Variants in HIP1 observed in about 807,000 individuals in gnomAD.
The protein encoded by HIP1 is huntingtin-interacting protein 1.
HIP1 carries 65 observed loss-of-function variants against 147.6 expected under a neutral mutation model. That is an observed-to-expected ratio of 0.44 (90% CI 0.36 to 0.54). The LOEUF is 0.54. Among genes scored for constraint, HIP1 ranks in the 20% least tolerant of loss-of-function variants. HIP1 has a pLI of 0.00. For synonymous variants in HIP1, 479 were observed against 504.0 expected (o/e 0.95, Z 0.67); for missense variants, 1,061 against 1,299.6 (o/e 0.82, Z 2.82).
At chr7:75,716,764 C>A (rs926149718) in intron 1 of HIP1, among the ~76,000 whole-genome samples, 1 of 151,740 alleles carries the variant, frequency 6.6e-6, no homozygotes, top group Non-Finnish European at 1.5e-5. Flanking sequence ...TTGTGATCTG[C>A]CGTCTCAGCC....
At chr7:75,661,747 C>T (rs371860655) in intron 1 of HIP1, among the ~76,000 whole-genome samples, 2 of 151,768 alleles carry the variant, frequency 1.3e-5, no homozygotes, top group South Asian at 4.2e-4. Context: ...ATCTTGGGGG[C>T]AGCTACAGCA....
intron 1 of HIP1, among the ~76,000 whole-genome samples, chr7:75,661,428 C>A (rs1176833969): frequency 6.6e-6 from 1 of 150,844 alleles, no homozygotes; most frequent in African/African-American, 2.4e-5. Flanking sequence ...CAAAAATTAG[C>A]CGGGCGTGGT....
chr7:75,559,968 G>T (rs1795165876), intron 13 of HIP1, 53 bp from the exon 14 acceptor site: 2 of 1,490,094 alleles, frequency 1.3e-6, no homozygotes, highest in African/African-American at 2.8e-5. Flanking sequence ...CGGGTCACGG[G>T]CATGGGCCGG....
chr7:75,676,677 G>A (rs1207983760), intron 1 of HIP1, among the ~76,000 whole-genome samples: 1 of 151,966 alleles, frequency 6.6e-6, no homozygotes, highest in Non-Finnish European at 1.5e-5. Context: ...ACGGGAGGCT[G>A]AGGTAGAAGA....
At chr7:75,697,657 C>G (rs1800682912) in intron 1 of HIP1, among the ~76,000 whole-genome samples, 2 of 152,068 alleles carry the variant, frequency 1.3e-5, no homozygotes, top group African/African-American at 2.4e-5. Flanking sequence ...ACTAAAAATA[C>G]AAAAATTAGC....
At chr7:75,724,029 T>A (rs1801580870) in intron 1 of HIP1, among the ~76,000 whole-genome samples, 2 of 152,068 alleles carry the variant, frequency 1.3e-5, no homozygotes, top group Admixed American at 1.3e-4. Flanking sequence ...CAATCTCAGC[T>A]CACTGCAACC....
At chr7:75,735,696 T>G (rs926348970) in intron 1 of HIP1, among the ~76,000 whole-genome samples, 2 of 150,512 alleles carry the variant, frequency 1.3e-5, no homozygotes, top group Non-Finnish European at 3.0e-5. Context: ...TTCTTTTTCT[T>G]TTTTTTTTAT....
At chr7:75,735,518 C>T (rs1554523545) in intron 1 of HIP1, among the ~76,000 whole-genome samples, 3 of 152,064 alleles carry the variant, frequency 2.0e-5, no homozygotes, top group Non-Finnish European at 4.4e-5. Context: ...TAAATTTTTT[C>T]TAATTCATTT....
chr7:75,650,135 A>T (rs192159335), intron 1 of HIP1, among the ~76,000 whole-genome samples: 36 of 152,234 alleles, frequency 2.4e-4, no homozygotes, highest in African/African-American at 8.4e-4. Context: ...GGAAGCAAAG[A>T]TCTGCCGAAT....
chr7:75,570,027 C>G (rs1013286018), intron 8 of HIP1, among the ~76,000 whole-genome samples: 2 of 151,734 alleles, frequency 1.3e-5, no homozygotes, highest in African/African-American at 4.8e-5. Context: ...CTCCGCCTCC[C>G]GGGTTCAAGC....
rs61299057 is a variant in HIP1, at chr7:75,577,332, C to CA, written c.605-3432dup. Reference sequence around the variant, plus strand: ...CGGCGACAGAGTGAGATCCCATCTCCAAAAAAAAAAAAACGAGAGAGAGAG... The same window carrying CA: ...CGGCGACAGAGTGAGATCCCATCTCCAAAAAAAAAAAAAACGAGAGAGAGAG... On this transcript the variant is annotated intron_variant, in intron 7 of 30. Coordinates refer to ENST00000336926, the MANE Select transcript of HIP1 (RefSeq NM_005338.7). Among the ~76,000 whole-genome samples the CA allele has an allele frequency of 2.4e-3, 236 of 96,734 alleles. 5 individuals carry two copies. The highest frequency in any genetic ancestry group is 6.6e-3 in the South Asian group (19 of 2,860). 63.5% of individuals were successfully genotyped at this position (96,734 alleles called of 152,430 possible).
In HIP1 at chr7:75,688,459, T is replaced by C. The variant is rs1800339259; in HGVS notation, c.120+50342A>G. Among the ~76,000 whole-genome samples, 4 of 151,038 alleles carry C rather than the reference T, an allele frequency of 2.6e-5. No homozygotes were observed. In the South Asian group the frequency reaches 6.3e-4, roughly 24 times the overall value. Reference sequence around the variant, plus strand: ...GGGGATGAGCTGTCGGTGGAGCCCCTCGACGGGTGGGGGACGGGCAGGCAG... The same window carrying C: ...GGGGATGAGCTGTCGGTGGAGCCCCCCGACGGGTGGGGGACGGGCAGGCAG... On this transcript the variant is annotated intron_variant, in intron 1 of 30. Coordinates refer to ENST00000336926, the MANE Select transcript of HIP1 (RefSeq NM_005338.7).
Position 75,546,866 on chromosome 7 carries a change from C to T in HIP1, c.2559+73G>A, listed in dbSNP as rs587609219. 1.4e-4 allele frequency: 149 copies of T among 1,061,684 alleles called. No homozygotes were observed. In the African/African-American group the frequency reaches 2.1e-3, roughly 15 times the overall value. The allele number at this position is 1,061,684 out of a possible 1,614,324, so 65.8% of individuals were successfully genotyped here. On this transcript the variant is annotated intron_variant, in intron 25 of 30. Coordinates refer to ENST00000336926, the MANE Select transcript of HIP1 (RefSeq NM_005338.7). ...GACACACAGAGTAAGACGGCAGCAT[C>T]ACAGAGTCCGTTGGAGCGGGAGTCT... is the stretch of plus-strand genomic sequence containing the variant.
At position 75,542,934 on chromosome 7, in the gene HIP1, T is replaced by G; in HGVS notation, c.2807A>C (p.Gln936Pro). 6.2e-7 allele frequency: 1 copy of G among 1,614,090 alleles called. No homozygotes were observed. The highest frequency in any genetic ancestry group is 8.5e-7 in the Non-Finnish European group (1 of 1,180,002). The change falls in exon 28 of 31, where the codon CAG becomes CCG. Residue 936 changes from glutamine to proline, a missense_variant. Physicochemically the swap from Gln to Pro is moderately conservative, Grantham distance 76 (BLOSUM62 -1). Around this residue, in one of 3 missense-constraint regions of HIP1, gnomAD observed 810 missense variants for 946.8 expected, o/e 0.86. Coordinates refer to ENST00000336926, the MANE Select transcript of HIP1 (RefSeq NM_005338.7). ...DKDSPNLAQL[Q>P]QASRGVNQAT... ...CTGGTTCACTCCCCGAGAGGCCTGC[T>G]GCAGCTGGGCTAGGTTGGGGCTGTC...
At chr7:75,645,275 G>T (rs1447067329) in intron 1 of HIP1, among the ~76,000 whole-genome samples, 1 of 151,990 alleles carries the variant, frequency 6.6e-6, no homozygotes, top group Non-Finnish European at 1.5e-5. Flanking sequence ...TCCCCAGGCT[G>T]GAGTGCAATG....
rs587732809 is a variant in HIP1, at chr7:75,593,414, T to C, written c.185-900A>G. Among the ~76,000 whole-genome samples the C allele has an allele frequency of 2.0e-5, 3 of 152,188 alleles. No individual in the cohort carries two copies. The South Asian group carries it at 6.2e-4, about 32-fold the overall frequency. The stretch of plus-strand genomic sequence containing the variant: ...GGGGGGCCAAGGTGGGTGGATCACC[T>C]GAGCTCAGGAGTTTAAGATCAGCCT... On this transcript the variant is annotated intron_variant, in intron 2 of 30. Transcript: ENST00000336926.
intron 1 of HIP1, among the ~76,000 whole-genome samples, chr7:75,612,158 G>A (rs1797463564): frequency 6.6e-6 from 1 of 152,226 alleles, no homozygotes; most frequent in Non-Finnish European, 1.5e-5. Flanking sequence ...CCAGGCAAGG[G>A]GCCAGAGAAG....
chr7:75,692,565 C>T (rs1005147670), intron 1 of HIP1, among the ~76,000 whole-genome samples: 1 of 150,090 alleles, frequency 6.7e-6, no homozygotes, highest in African/African-American at 2.5e-5. Context: ...AGATTACTGG[C>T]ATGAACCACC....
chr7:75,599,065 C>A (rs1796872376), intron 2 of HIP1, 119 bp downstream of exon 2: 3 of 739,706 alleles, frequency 4.1e-6, no homozygotes, highest in South Asian at 3.0e-5. Context: ...GCTGCAGGGA[C>A]CTGGCCTGTG....
Sources: allele counts gnomAD v4.1 joint callset (sites outside exome capture counted in the v4.1 genomes callset), GRCh38; gene constraint gnomAD v4.1.1; regional missense constraint gnomAD v4.1.1; transcripts MANE v1.5; gene names NCBI Gene and HGNC (gene_info 2026-07-23, HGNC 2026-07-21).